BRINP3: variants seen among roughly 807,000 people sequenced by gnomAD.
BRINP3 encodes the protein BMP/retinoic acid-inducible neural-specific protein 3.
Under a neutral mutation model 71.0 loss-of-function variants are expected in BRINP3, and 19 were observed. The observed-to-expected ratio is 0.27, with a 90% CI of 0.19 to 0.39. The LOEUF (loss-of-function observed/expected upper bound fraction) is 0.39, where lower values mean the gene tolerates loss of function less well. Ranked by LOEUF, BRINP3 falls within the 10% of genes least tolerant of loss-of-function variation. The pLI is 1.00. For missense variants in BRINP3, 959 were observed against 940.8 expected, an observed-to-expected ratio of 1.02 and a Z score of -0.25; for synonymous variants, 380 against 337.7, an observed-to-expected ratio of 1.13 and a Z score of -1.37.
chr1:190,366,722 A>G (rs1669528851), intron 2 of BRINP3, among the ~76,000 whole-genome samples: 1 of 152,162 alleles, frequency 6.6e-6, no homozygotes, highest in African/African-American at 2.4e-5. Flanking sequence ...CATTGGGTAA[A>G]TACACCCATT....
chr1:190,279,535 T>C (rs1453091133), intron 3 of BRINP3, among the ~76,000 whole-genome samples: 1 of 151,910 alleles, frequency 6.6e-6, no homozygotes, highest in Non-Finnish European at 1.5e-5. Flanking sequence ...GGCTGATCTC[T>C]TTCTCTTCTT....
At chr1:190,183,114 A>AT (rs1230015589) in intron 6 of BRINP3, among the ~76,000 whole-genome samples, 1 of 151,858 alleles carries the variant, frequency 6.6e-6, no homozygotes, top group Non-Finnish European at 1.5e-5. Context: ...GAGACTTTGC[A>AT]TTTTTTCTTT....
intron 2 of BRINP3, among the ~76,000 whole-genome samples, chr1:190,354,020 T>G (rs1365778480): frequency 6.6e-6 from 1 of 151,944 alleles, no homozygotes; most frequent in African/African-American, 2.4e-5. Flanking sequence ...ATTTCTGAAC[T>G]TAACAAGCCA....
At chr1:190,288,159 T>C (rs138178292) in intron 2 of BRINP3, among the ~76,000 whole-genome samples, 6 of 151,996 alleles carry the variant, frequency 3.9e-5, no homozygotes, top group African/African-American at 1.4e-4. Context: ...TTAATTTCTA[T>C]CACAAATATT....
intron 6 of BRINP3, among the ~76,000 whole-genome samples, chr1:190,191,698 A>G (rs1654050976): frequency 6.6e-6 from 1 of 152,046 alleles, no homozygotes; most frequent in South Asian, 2.1e-4. Context: ...GCTATTGTAA[A>G]TAGTGCTGCA....
intron 1 of BRINP3, among the ~76,000 whole-genome samples, chr1:190,472,700 A>G (rs1677212917): frequency 6.6e-6 from 1 of 151,806 alleles, no homozygotes; most frequent in African/African-American, 2.4e-5. Flanking sequence ...AAATCCCAAC[A>G]GTTGCATTCT....
intron 2 of BRINP3, among the ~76,000 whole-genome samples, chr1:190,301,210 T>TATATACACACATACATAC (rs766749833): frequency 9.3e-6 from 1 of 107,828 alleles, no homozygotes; most frequent in Non-Finnish European, 1.8e-5. Flanking sequence ...CATACATATA[T>TATATACACACATACATAC]ATATATATAT....
At chr1:190,207,466 A>T (rs1447796040) in intron 6 of BRINP3, among the ~76,000 whole-genome samples, 1 of 152,012 alleles carries the variant, frequency 6.6e-6, no homozygotes, top group Non-Finnish European at 1.5e-5. Context: ...TGAAGTACTG[A>T]TTTTTGCCAA....
At chr1:190,335,606 G>T (rs912187331) in intron 2 of BRINP3, among the ~76,000 whole-genome samples, 1 of 151,474 alleles carries the variant, frequency 6.6e-6, no homozygotes, top group Non-Finnish European at 1.5e-5. Context: ...ACCCCAAATG[G>T]ATGTTCAGAC....
chr1:190,439,344 C>T (rs1397486943), intron 2 of BRINP3, among the ~76,000 whole-genome samples: 1 of 151,632 alleles, frequency 6.6e-6, no homozygotes, highest in Admixed American at 6.6e-5. Context: ...TTTATATAAC[C>T]TCAGTACCTT....
chr1:190,216,631 C>A (rs746521216), intron 6 of BRINP3, among the ~76,000 whole-genome samples: 15 of 151,808 alleles, frequency 9.9e-5, no homozygotes, highest in African/African-American at 1.4e-4. Context: ...CAAATATAAT[C>A]AAATATAAAA....
intron 7 of BRINP3, among the ~76,000 whole-genome samples, chr1:190,146,363 T>C (rs1655887401): frequency 6.6e-6 from 1 of 152,210 alleles, no homozygotes; most frequent in African/African-American, 2.4e-5. Flanking sequence ...TGTATACCTT[T>C]GTAGCCCACT....
At chr1:190,365,579 A>T (rs1315699896) in intron 2 of BRINP3, among the ~76,000 whole-genome samples, 1 of 146,632 alleles carries the variant, frequency 6.8e-6, no homozygotes, top group Non-Finnish European at 1.5e-5. Context: ...TTTTGTTATG[A>T]TATTAATTTA....
At chr1:190,310,933 A>G (rs1484976433) in intron 2 of BRINP3, among the ~76,000 whole-genome samples, 1 of 151,786 alleles carries the variant, frequency 6.6e-6, no homozygotes, top group Non-Finnish European at 1.5e-5. Context: ...AATTCAAGTG[A>G]GTGAATACCT....
intron 2 of BRINP3, among the ~76,000 whole-genome samples, chr1:190,355,967 T>C (rs539909319): frequency 9.2e-4 from 140 of 152,072 alleles, no homozygotes; most frequent in African/African-American, 3.3e-3. Context: ...CATCTGTCTA[T>C]GCATATGCCT....
chr1:190,106,897 T>C (rs1036713491), intron 7 of BRINP3, among the ~76,000 whole-genome samples: 1 of 151,832 alleles, frequency 6.6e-6, no homozygotes, highest in Non-Finnish European at 1.5e-5. Context: ...TGAAATTGTA[T>C]AATTTAAATA....
intron 7 of BRINP3, among the ~76,000 whole-genome samples, chr1:190,109,085 A>T (rs779985706): frequency 1.4e-4 from 22 of 151,932 alleles, no homozygotes; most frequent in Non-Finnish European, 2.9e-4. Context: ...ATCAGATATT[A>T]TTGTTTTCTT....
chr1:190,183,326 TA>T (rs1259583323), intron 6 of BRINP3, among the ~76,000 whole-genome samples: 1 of 152,020 alleles, frequency 6.6e-6, no homozygotes, highest in African/African-American at 2.4e-5. Flanking sequence ...ATTTTAAGTT[TA>T]AAAAAATTAA....
At chr1:190,384,456 T>C (rs1360616137) in intron 2 of BRINP3, among the ~76,000 whole-genome samples, 1 of 151,848 alleles carries the variant, frequency 6.6e-6, no homozygotes, top group Non-Finnish European at 1.5e-5. Context: ...CTGTAAAATA[T>C]TGCTGGAGAT....
Sources: allele counts gnomAD v4.1 joint callset (sites outside exome capture counted in the v4.1 genomes callset), GRCh38; gene constraint gnomAD v4.1.1; transcripts MANE v1.5; gene names NCBI Gene and HGNC (gene_info 2026-07-23, HGNC 2026-07-21).